The following GRM8 variants were observed in gnomAD, a reference collection of about 807,000 sequenced individuals.
GRM8 encodes metabotropic glutamate receptor 8.
GRM8 carries 47 observed loss-of-function variants against 87.2 expected under a neutral mutation model. The observed-to-expected ratio is 0.54, with a 90% CI of 0.43 to 0.69. The LOEUF is 0.69. Among genes scored for constraint, GRM8 ranks in the 30% least tolerant of loss-of-function variants. GRM8 has a pLI of 0.00. For synonymous variants in GRM8, 396 were observed against 404.5 expected, an observed-to-expected ratio of 0.98 and a Z score of 0.25; for missense variants, 1,019 against 1,139.2, an observed-to-expected ratio of 0.89 and a Z score of 1.52.
chr7:126,549,429 T>C (rs1044446925), intron 8 of GRM8, among the ~76,000 whole-genome samples: 2 of 152,006 alleles, frequency 1.3e-5, no homozygotes, highest in South Asian at 2.1e-4. Context: ...CTAGTAAAAA[T>C]CTTTTAAAAA....
At chr7:126,958,353 C>G (rs1808951766) in intron 3 of GRM8, among the ~76,000 whole-genome samples, 4 of 152,192 alleles carry the variant, frequency 2.6e-5, no homozygotes, top group Admixed American at 2.0e-4. Flanking sequence ...GCTCCCTGAG[C>G]CAGGGGCTCT....
intron 8 of GRM8, among the ~76,000 whole-genome samples, chr7:126,601,445 C>T (rs1468063637): frequency 1.3e-5 from 2 of 151,990 alleles, no homozygotes; most frequent in Non-Finnish European, 2.9e-5. Context: ...GGGTATATAC[C>T]CAGTAATGGG....
chr7:126,818,318 G>A (rs562935308), intron 6 of GRM8, among the ~76,000 whole-genome samples: 1 of 152,204 alleles, frequency 6.6e-6, no homozygotes, highest in African/African-American at 2.4e-5. Context: ...GTAAAAGCAT[G>A]CCCTAAAACC....
At chr7:126,466,794 T>C (rs1804552550) in intron 9 of GRM8, among the ~76,000 whole-genome samples, 1 of 151,820 alleles carries the variant, frequency 6.6e-6, no homozygotes, top group South Asian at 2.1e-4. Flanking sequence ...GGAGGGGTGG[T>C]CTTCTTTACT....
At chr7:127,228,293 G>A (rs1260667430) in intron 2 of GRM8, 1 of 152,140 alleles carries the variant, frequency 6.6e-6, no homozygotes, top group Non-Finnish European at 1.5e-5. Flanking sequence ...ATAAGATCAG[G>A]CGTGTTACAT....
chr7:126,451,882 C>T (rs371458461), intron 9 of GRM8, among the ~76,000 whole-genome samples: 56 of 151,804 alleles, frequency 3.7e-4, no homozygotes, highest in Middle Eastern at 6.8e-3. Context: ...TACCAGTATT[C>T]CTAGCTTTAT....
intron 7 of GRM8, among the ~76,000 whole-genome samples, chr7:126,644,551 G>GT (rs1802826409): frequency 6.6e-6 from 1 of 152,144 alleles, no homozygotes; most frequent in Non-Finnish European, 1.5e-5. Flanking sequence ...ACATTGGCTA[G>GT]TTTTCTGTGT....
At chr7:126,805,285 G>T (rs969000938) in intron 6 of GRM8, among the ~76,000 whole-genome samples, 2 of 152,068 alleles carry the variant, frequency 1.3e-5, no homozygotes, top group African/African-American at 4.8e-5. Context: ...CCCACCTCTG[G>T]TTAGCCTACC....
chr7:126,603,445 T>A lies in GRM8; in HGVS notation c.1494+5917A>T, dbSNP rs1402519036. On this transcript the variant is annotated intron_variant, in intron 8 of 10. Coordinates refer to ENST00000339582, the MANE Select transcript of GRM8 (RefSeq NM_000845.3). ...CAATTAGGAAAAGAGGAAGTCAAAT[T>A]GTCACTGTTTGCAGACGACATGATT... Among the ~76,000 whole-genome samples the A allele has an allele frequency of 3.3e-5, 5 of 151,666 alleles. No homozygotes were observed. The East Asian group carries it at 9.7e-4, about 30-fold the overall frequency.
In GRM8 at chr7:126,533,509, G is replaced by A; in HGVS notation, c.1873C>T (p.Leu625Phe). 6.2e-7 allele frequency: 1 copy of A among 1,614,100 alleles called. No homozygotes were observed. Residue 625 changes from leucine to phenylalanine, a missense_variant, in exon 9 of 11, where the codon CTC becomes TTC. Physicochemically the swap from Leu to Phe is conservative, Grantham distance 22. Transcript: ENST00000339582. ...RASGRELSYV[L>F]LTGIFLCYSI... ...TAACAGAGAAAAATCCCCGTTAGGA[G>A]CACGTAACTAAGTTCGCGTCCTGAA... is the stretch of plus-strand genomic sequence containing the variant.
chr7:126,532,769 A>G, intron 9 of GRM8, among the ~76,000 whole-genome samples, 183 bp downstream of exon 9: 1 of 5,564 alleles, frequency 1.8e-4, no homozygotes, highest in South Asian at 8.1e-3. Context: ...ATGGAGATAT[A>G]TATATATATA....
intron 8 of GRM8, among the ~76,000 whole-genome samples, chr7:126,585,509 C>T (rs1419169162): frequency 6.6e-6 from 1 of 151,828 alleles, no homozygotes; most frequent in Non-Finnish European, 1.5e-5. Flanking sequence ...TAATTAGTTG[C>T]CTGAGTTTAA....
intron 6 of GRM8, among the ~76,000 whole-genome samples, chr7:126,872,193 T>C (rs927378855): frequency 1.3e-5 from 2 of 152,176 alleles, no homozygotes; most frequent in African/African-American, 2.4e-5. Flanking sequence ...TTCAACTCTA[T>C]GTCTTTATTT....
intron 3 of GRM8, among the ~76,000 whole-genome samples, chr7:127,016,487 G>C (rs1815677879): frequency 6.6e-6 from 1 of 152,026 alleles, no homozygotes; most frequent in South Asian, 2.1e-4. Flanking sequence ...AATTAAGAAT[G>C]ATATAATCGT....
intron 6 of GRM8, among the ~76,000 whole-genome samples, chr7:126,891,711 C>T: frequency 6.6e-6 from 1 of 152,050 alleles, no homozygotes; most frequent in East Asian, 1.9e-4. Context: ...TACATCAGTT[C>T]TCCCTGCTAT....
chr7:126,684,286 G>A (rs1021321067), intron 7 of GRM8, among the ~76,000 whole-genome samples: 1 of 152,110 alleles, frequency 6.6e-6, no homozygotes, highest in South Asian at 2.1e-4. Flanking sequence ...TGGGTCCAAG[G>A]ACTCAGCTTC....
chr7:126,760,669 A>G (rs906611783), intron 7 of GRM8, among the ~76,000 whole-genome samples: 3 of 152,196 alleles, frequency 2.0e-5, no homozygotes, highest in Admixed American at 6.5e-5. Context: ...CAATAAGCAG[A>G]GACTTCAAGA....
chr7:126,830,942 G>T (rs1413484170), intron 6 of GRM8, among the ~76,000 whole-genome samples: 1 of 152,186 alleles, frequency 6.6e-6, no homozygotes, highest in Non-Finnish European at 1.5e-5. Flanking sequence ...TCAGCTGCAG[G>T]TCTATTGGAG....
At chr7:127,011,501 T>C (rs1489503735) in intron 3 of GRM8, among the ~76,000 whole-genome samples, 26 of 152,166 alleles carry the variant, frequency 1.7e-4, no homozygotes, top group Non-Finnish European at 3.5e-4. Context: ...ACTACTTGCA[T>C]ATATAGCCGC....
Sources: allele counts gnomAD v4.1 joint callset (sites outside exome capture counted in the v4.1 genomes callset), GRCh38; gene constraint gnomAD v4.1.1; transcripts MANE v1.5; gene names NCBI Gene and HGNC (gene_info 2026-07-23, HGNC 2026-07-21).